Variants in FGF10 observed in about 807,000 individuals in gnomAD.
FGF10 encodes FGF-10.
A neutral mutation model predicts 19.8 loss-of-function variants in FGF10; 2 were observed. The observed-to-expected ratio is 0.10, with a 90% confidence interval of 0.04 to 0.32. FGF10 has a LOEUF of 0.32. Ranked by LOEUF, FGF10 falls within the 10% of genes least tolerant of loss-of-function variation. The pLI, the probability that FGF10 is intolerant of heterozygous loss-of-function variation, is 1.00. For synonymous variants in FGF10, 112 were observed against 94.0 expected, an observed-to-expected ratio of 1.19 and a Z score of -1.10; for missense variants, 191 against 246.3, an observed-to-expected ratio of 0.78 and a Z score of 1.50.
intron 2 of FGF10, among the ~76,000 whole-genome samples, chr5:44,306,009 C>G (rs17234611): frequency 6.6e-6 from 1 of 152,134 alleles, no homozygotes; most frequent in African/African-American, 2.4e-5. Context: ...AGGAGACATT[C>G]CTGGACAAGG....
At chr5:44,378,091 T>C (rs573581231) in intron 1 of FGF10, among the ~76,000 whole-genome samples, 2 of 152,184 alleles carry the variant, frequency 1.3e-5, no homozygotes, top group East Asian at 3.9e-4. Flanking sequence ...GTGTTGGGGG[T>C]AACTAGGCAG....
chr5:44,308,917 G>A (rs1000196023), intron 2 of FGF10, among the ~76,000 whole-genome samples: 1 of 152,044 alleles, frequency 6.6e-6, no homozygotes, highest in Non-Finnish European at 1.5e-5. Flanking sequence ...TATGGCTGTG[G>A]GTCCCATTAT....
Position 44,375,731 on chromosome 5 carries a change from G to T in FGF10, c.325+12627C>A, listed in dbSNP as rs1222867372. 2.0e-5 allele frequency among the ~76,000 whole-genome samples: 3 copies of T among 152,038 alleles called. No individual in the cohort carries two copies. In the South Asian group the frequency reaches 6.2e-4, roughly 31 times the overall value. ...GGATGGTCTTGTGATAGTACACTGAGACTGAACAGGTGTTAATAATAAAAT... is the reference window on the plus strand; with the variant it reads ...GGATGGTCTTGTGATAGTACACTGATACTGAACAGGTGTTAATAATAAAAT... On this transcript the variant is annotated intron_variant, in intron 1 of 2. Coordinates refer to ENST00000264664, the MANE Select transcript of FGF10 (RefSeq NM_004465.2).
Position 44,304,898 on chromosome 5 carries a change from T to C in FGF10, c.*97A>G. On this transcript the variant is annotated 3_prime_UTR_variant, in exon 3 of 3. Transcript: ENST00000264664. ...TTTAAGCAAGCAGACATCTGCAACG[T>C]GTCTTTGCCTTTCAATCTACTGTCT... 1 of 1,236,120 alleles carries C rather than the reference T, an allele frequency of 8.1e-7. No individual in the cohort carries two copies. Among genetic ancestry groups the C allele is most frequent in the Non-Finnish European group, 1.2e-6 (1 of 838,178 alleles). 76.6% of individuals were successfully genotyped at this position (1,236,120 alleles called of 1,614,324 possible).
At chr5:44,367,700 T>C (rs1383049419) in intron 1 of FGF10, among the ~76,000 whole-genome samples, 1 of 152,042 alleles carries the variant, frequency 6.6e-6, no homozygotes, top group Non-Finnish European at 1.5e-5. Flanking sequence ...AAGCATTCAA[T>C]ATCATTAGTT....
At chr5:44,344,281 A>ACCACCCATCTGTGGCCTTGGG (rs1741034512) in intron 1 of FGF10, among the ~76,000 whole-genome samples, 1 of 150,818 alleles carries the variant, frequency 6.6e-6, no homozygotes, top group African/African-American at 2.5e-5. Flanking sequence ...AATTTTATGG[A>ACCACCCATCTGTGGCCTTGGG]TTCATGCTTG....
At chr5:44,353,573 G>T (rs1311109272) in intron 1 of FGF10, among the ~76,000 whole-genome samples, 1 of 151,562 alleles carries the variant, frequency 6.6e-6, no homozygotes, top group Non-Finnish European at 1.5e-5. Context: ...AGTAAATCCT[G>T]AGGGTACATT....
chr5:44,338,959 T>C (rs1011311152), intron 1 of FGF10, among the ~76,000 whole-genome samples: 8 of 152,218 alleles, frequency 5.3e-5, no homozygotes, highest in Admixed American at 4.6e-4. Context: ...TCAGTTAGAA[T>C]GTGGGTAAAT....
At chr5:44,369,109 A>G (rs1364239837) in intron 1 of FGF10, among the ~76,000 whole-genome samples, 3 of 152,124 alleles carry the variant, frequency 2.0e-5, no homozygotes, top group African/African-American at 7.2e-5. Context: ...CATAGACATG[A>G]GCCTATAATT....
In FGF10 at chr5:44,385,928, C is replaced by T. The variant is rs575424166; in HGVS notation, c.325+2430G>A. 1.8e-3 allele frequency among the ~76,000 whole-genome samples: 270 copies of T among 152,202 alleles called. 1 individual carries two copies. The highest frequency in any genetic ancestry group is 6.2e-3 in the African/African-American group (256 of 41,538). ...TTTGACACAGATGTTCTTGGAAAGC[C>T]TAAATTATTTATGGTTTGACAATAT... On this transcript the variant is annotated intron_variant, in intron 1 of 2. Coordinates refer to ENST00000264664, the MANE Select transcript of FGF10 (RefSeq NM_004465.2).
chr5:44,372,756 A>G (rs1257956158), intron 1 of FGF10, among the ~76,000 whole-genome samples: 1 of 152,208 alleles, frequency 6.6e-6, no homozygotes, highest in East Asian at 1.9e-4. Context: ...ACAGTTATAA[A>G]CATTCTTATT....
At chr5:44,310,084 T>G (rs955352558) in intron 2 of FGF10, among the ~76,000 whole-genome samples, 12 of 152,164 alleles carry the variant, frequency 7.9e-5, no homozygotes, top group African/African-American at 2.4e-4. Flanking sequence ...TCTACTCAAT[T>G]CAAGATCTTT....
chr5:44,375,271 C>A (rs762066165), intron 1 of FGF10, among the ~76,000 whole-genome samples: 1 of 152,134 alleles, frequency 6.6e-6, no homozygotes, highest in Non-Finnish European at 1.5e-5. Flanking sequence ...AAACAGTCAA[C>A]TAATCAAGTG....
chr5:44,384,509 A>G (rs1355098581), intron 1 of FGF10, among the ~76,000 whole-genome samples: 2 of 152,110 alleles, frequency 1.3e-5, no homozygotes, highest in Non-Finnish European at 2.9e-5. Flanking sequence ...AGATTTGGAT[A>G]ATTTGTTTTT....
rs1739947655 is a variant in FGF10 at position 44,300,538 on chromosome 5, A to G, written c.*4457T>C. Among the ~76,000 whole-genome samples, 1 of 152,192 alleles carries G rather than the reference A, an allele frequency of 6.6e-6. No individual in the cohort carries two copies. The highest frequency in any genetic ancestry group is 1.5e-5 in the Non-Finnish European group (1 of 68,036). ...AAAACAATGCAAATGTAATCTTTCA[A>G]TGGTAAAGAACATATGAAAGAGAAT... On this transcript the variant is annotated 3_prime_UTR_variant, in exon 3 of 3. Transcript: ENST00000264664.
chr5:44,325,807 C>A (rs1008024626), intron 1 of FGF10, among the ~76,000 whole-genome samples: 4 of 151,964 alleles, frequency 2.6e-5, no homozygotes, highest in African/African-American at 9.7e-5. Context: ...ACCAACATGG[C>A]ACATGTATAC....
In FGF10 at chr5:44,310,732, A is replaced by G. The variant is rs185954950; in HGVS notation, c.326-202T>C. ...GCAAGTATTTCCAGCAAATATATAG[A>G]AAAAAGTAATAAGGCTTTAAAAGAA... On this transcript the variant is annotated intron_variant, in intron 1 of 2. Transcript: ENST00000264664. Among the ~76,000 whole-genome samples, 14 of 152,266 alleles carry G rather than the reference A, an allele frequency of 9.2e-5. No homozygotes were observed. In the East Asian group the frequency reaches 2.7e-3, roughly 29 times the overall value.
At chr5:44,349,358 C>A (rs1257786645) in intron 1 of FGF10, among the ~76,000 whole-genome samples, 1 of 138,138 alleles carries the variant, frequency 7.2e-6, no homozygotes, top group South Asian at 2.3e-4. Context: ...AAATTAAGGT[C>A]TTTGTGGTCT....
At chr5:44,366,234 T>G (rs1309395777) in intron 1 of FGF10, among the ~76,000 whole-genome samples, 2 of 146,808 alleles carry the variant, frequency 1.4e-5, no homozygotes, top group African/African-American at 4.9e-5. Flanking sequence ...ATCTGGTCCC[T>G]GCATTTAACA....
Sources: gnomAD v4.1 joint callset for allele counts (sites outside exome capture counted in the v4.1 genomes callset) on GRCh38, gnomAD v4.1.1 for gene constraint, MANE v1.5 for transcripts, NCBI Gene and HGNC (gene_info 2026-07-23, HGNC 2026-07-21) for gene names.